Variants in GALNT17 observed in about 807,000 individuals in gnomAD.
The protein encoded by GALNT17 is UDP-GalNAc:polypeptide N-acetylgalactosaminyltransferase-like 3.
A neutral mutation model predicts 63.7 loss-of-function variants in GALNT17; 29 were observed. The ratio of observed to expected loss-of-function variants is 0.46; its 90% CI spans 0.34 to 0.62. The LOEUF (loss-of-function observed/expected upper bound fraction) is 0.62, where lower values mean the gene tolerates loss of function less well. GALNT17 is among the 20% of genes least tolerant of loss of function. The pLI is 0.01. For synonymous variants in GALNT17, 305 were observed against 318.3 expected, an observed-to-expected ratio of 0.96 and a Z score of 0.45; for missense variants, 603 against 799.6, an observed-to-expected ratio of 0.75 and a Z score of 2.97.
At chr7:71,187,235 G>C (rs1788866644) in intron 1 of GALNT17, among the ~76,000 whole-genome samples, 2 of 151,880 alleles carry the variant, frequency 1.3e-5, no homozygotes, top group South Asian at 2.1e-4. Flanking sequence ...TCAGCCTCCT[G>C]AGTAGCTGGG....
At chr7:71,481,182 C>CA (rs1260315402) in intron 5 of GALNT17, among the ~76,000 whole-genome samples, 2 of 152,202 alleles carry the variant, frequency 1.3e-5, no homozygotes, top group African/African-American at 4.8e-5. Context: ...CACAGTGGCT[C>CA]ACGCCTGTAA....
chr7:71,665,697 C>A, intron 7 of GALNT17, 101 bp downstream of exon 7: 1 of 1,369,824 alleles, frequency 7.3e-7, no homozygotes, highest in South Asian at 1.4e-5. Flanking sequence ...AGAAAATGCT[C>A]ATGCTTAGAA....
chr7:71,163,205 CAG>C (rs1430111594), intron 1 of GALNT17, among the ~76,000 whole-genome samples: 2 of 152,196 alleles, frequency 1.3e-5, no homozygotes, highest in Non-Finnish European at 2.9e-5. Context: ...TTCACTGAGA[CAG>C]GGAAGACTTG....
chr7:71,321,887 C>CT (rs1215706032), intron 1 of GALNT17, among the ~76,000 whole-genome samples: 1 of 78,948 alleles, frequency 1.3e-5, no homozygotes, highest in Non-Finnish European at 2.6e-5. Context: ...TCCTTCCTTC[C>CT]TTCCTTCCTT....
intron 5 of GALNT17, among the ~76,000 whole-genome samples, chr7:71,495,682 A>G (rs747369313): frequency 1.8e-4 from 27 of 152,136 alleles, no homozygotes; most frequent in East Asian, 3.9e-4. Flanking sequence ...GCTCATTCCC[A>G]GTAACTGGAG....
At position 71,684,008 on chromosome 7, in the gene GALNT17, CAAAA is replaced by C. The variant is rs5741642; in HGVS notation, c.1500+6717_1500+6720del. 8.4e-3 allele frequency among the ~76,000 whole-genome samples: 1,017 copies of C among 121,428 alleles called. 16 individuals are homozygous for C. The highest frequency in any genetic ancestry group is 0.03 in the African/African-American group (973 of 32,008). The allele number at this position is 121,428 out of a possible 152,430, so 79.7% of individuals were successfully genotyped here. A position where few individuals can be genotyped will look rare whatever the true frequency, so the allele number is the denominator to read the frequency against. ...TGGGCAACAGAGCAACACTCTGTCT[CAAAA>C]AAAAAAAAAAAAAACAAAAGAAACC... On this transcript the variant is annotated intron_variant, in intron 9 of 10. Transcript: ENST00000333538.
intron 1 of GALNT17, among the ~76,000 whole-genome samples, chr7:71,140,495 C>T (rs778892443): frequency 4.6e-5 from 7 of 152,234 alleles, no homozygotes; most frequent in Non-Finnish European, 8.8e-5. Flanking sequence ...GCAGCTGCCA[C>T]CTGCCCAGCC....
intron 6 of GALNT17, among the ~76,000 whole-genome samples, chr7:71,630,936 G>T (rs529547059): frequency 1.3e-5 from 2 of 152,308 alleles, no homozygotes; most frequent in East Asian, 3.9e-4. Flanking sequence ...TAGGGTACAG[G>T]TACTTCAATT....
Position 71,447,299 on chromosome 7 carries a change from A to G in GALNT17, c.962+26194A>G, listed in dbSNP as rs142258425. Among the ~76,000 whole-genome samples, 386 of 152,316 alleles carry G rather than the reference A, an allele frequency of 2.5e-3. 8 individuals carry two copies. The highest frequency in any genetic ancestry group is 1.4e-3 in the Non-Finnish European group (98 of 68,032). On this transcript the variant is annotated intron_variant, in intron 5 of 10. Coordinates refer to ENST00000333538, the MANE Select transcript of GALNT17 (RefSeq NM_022479.3). The stretch of plus-strand genomic sequence containing the variant: ...CCTTCAGGTTTGATGATTTGCTAGA[A>G]TGAATCACAGAGCTCAAGAAAACAC...
At chr7:71,508,545 C>T (rs1378946925) in intron 5 of GALNT17, among the ~76,000 whole-genome samples, 2 of 152,086 alleles carry the variant, frequency 1.3e-5, no homozygotes, top group Non-Finnish European at 2.9e-5. Context: ...GAAGTGAGCA[C>T]ACGCAGCACC....
intron 6 of GALNT17, among the ~76,000 whole-genome samples, chr7:71,573,325 A>ATTT (rs1562696295): frequency 1.4e-5 from 2 of 144,616 alleles, no homozygotes; most frequent in Non-Finnish European, 3.0e-5. Flanking sequence ...TTAATTAATT[A>ATTT]ATTTATTTAT....
intron 5 of GALNT17, among the ~76,000 whole-genome samples, chr7:71,519,577 C>G (rs551077718): frequency 6.6e-6 from 1 of 152,260 alleles, no homozygotes; most frequent in African/African-American, 2.4e-5. Flanking sequence ...GATTCTTGTG[C>G]CTCACCCTCC....
intron 3 of GALNT17, among the ~76,000 whole-genome samples, chr7:71,391,916 G>A (rs1399880121): frequency 1.3e-5 from 2 of 152,164 alleles, no homozygotes; most frequent in African/African-American, 2.4e-5. Context: ...CAGAAGGGAA[G>A]GGGAGCAGGT....
Position 71,397,245 on chromosome 7 carries a change from G to A in GALNT17, c.589+8844G>A, listed in dbSNP as rs914014767. 8.5e-5 allele frequency among the ~76,000 whole-genome samples: 13 copies of A among 152,080 alleles called. No individual in the cohort carries two copies. The East Asian group carries it at 1.2e-3, about 14-fold the overall frequency. On this transcript the variant is annotated intron_variant, in intron 3 of 10. Coordinates refer to ENST00000333538, the MANE Select transcript of GALNT17 (RefSeq NM_022479.3). ...TATAAAAGCCTCTTCTGGAGAAGAC[G>A]GCTAAGTCATGAGTGAGCTCAGTAA...
intron 5 of GALNT17, among the ~76,000 whole-genome samples, chr7:71,517,636 C>T (rs1219924587): frequency 6.6e-6 from 1 of 152,112 alleles, no homozygotes; most frequent in Admixed American, 6.6e-5. Context: ...CTATATAAGA[C>T]TCCAAGAAGG....
chr7:71,551,771 AAAGAGAG>A (rs1438634273), intron 5 of GALNT17, among the ~76,000 whole-genome samples: 84 of 128,290 alleles, frequency 6.5e-4, no homozygotes, highest in East Asian at 1.2e-3. Context: ...AAAAAAAAAA[AAAGAGAG>A]AGAGAGAGAG....
At chr7:71,321,138 C>A (rs934851108) in intron 1 of GALNT17, among the ~76,000 whole-genome samples, 23 of 152,164 alleles carry the variant, frequency 1.5e-4, no homozygotes, top group African/African-American at 5.6e-4. Context: ...TGACAAATTT[C>A]TTAGGTCTTG....
intron 6 of GALNT17, among the ~76,000 whole-genome samples, chr7:71,584,655 TAGTC>T (rs1297894060): frequency 1.3e-5 from 2 of 152,362 alleles, no homozygotes; most frequent in African/African-American, 2.4e-5. Context: ...ATTTGTTTGA[TAGTC>T]AGCTTACTCA....
chr7:71,499,969 C>T (rs1188959568), intron 5 of GALNT17, among the ~76,000 whole-genome samples: 2 of 152,176 alleles, frequency 1.3e-5, no homozygotes, highest in South Asian at 2.1e-4. Flanking sequence ...TAGCACTTCT[C>T]CTGCTATCCT....
Sources: gnomAD v4.1 joint callset for allele counts (sites outside exome capture counted in the v4.1 genomes callset) on GRCh38, gnomAD v4.1.1 for gene constraint, MANE v1.5 for transcripts, NCBI Gene and HGNC (gene_info 2026-07-23, HGNC 2026-07-21) for gene names.